CENPK: variants seen among roughly 807,000 people sequenced by gnomAD.
The protein encoded by CENPK is SoxLZ/Sox6-binding protein Solt.
Under a neutral mutation model 40.9 loss-of-function variants are expected in CENPK, and 46 were observed. The ratio of observed to expected loss-of-function variants is 1.13; its 90% CI spans 0.89 to 1.44. The LOEUF (loss-of-function observed/expected upper bound fraction) is 1.44, where lower values mean the gene tolerates loss of function less well. Among genes scored for constraint, CENPK ranks in the 40% most tolerant of loss-of-function variants. The pLI is 0.00. For missense variants in CENPK, 288 were observed against 303.5 expected, an observed-to-expected ratio of 0.95 and a Z score of 0.38; for synonymous variants, 107 against 104.4, an observed-to-expected ratio of 1.02 and a Z score of -0.15.
intron 9 of CENPK, among the ~76,000 whole-genome samples, chr5:65,525,352 C>T (rs940676281): frequency 6.6e-6 from 1 of 150,570 alleles, no homozygotes; most frequent in Admixed American, 6.6e-5. Flanking sequence ...GGTAACAGAA[C>T]AAGATTCCAT....
At position 65,549,150 on chromosome 5, in the gene CENPK, A is replaced by G. The variant is rs182618139; in HGVS notation, c.241+2414T>C. Reference sequence around the variant, plus strand: ...CATGAGAACATTAAATTCCTTGTACATCACCATCAGAGCTGTTGAGTGAAG... The same window carrying G: ...CATGAGAACATTAAATTCCTTGTACGTCACCATCAGAGCTGTTGAGTGAAG... On this transcript the variant is annotated intron_variant, in intron 5 of 10. Transcript: ENST00000396679. Among the ~76,000 whole-genome samples the G allele has an allele frequency of 3.3e-5, 5 of 152,276 alleles. No homozygotes were observed. In the East Asian group the frequency reaches 9.6e-4, roughly 29 times the overall value.
intron 6 of CENPK, 42 bp from the exon 7 acceptor site, chr5:65,529,241 CCA>C: frequency 1.5e-6 from 2 of 1,318,608 alleles, no homozygotes; most frequent in East Asian, 4.7e-5. Context: ...GTCTTTAATC[CCA>C]GTTTTATTTC....
intron 2 of CENPK, among the ~76,000 whole-genome samples, chr5:65,559,764 T>C (rs1306584961): frequency 6.6e-6 from 1 of 151,956 alleles, no homozygotes; most frequent in African/African-American, 2.4e-5. Flanking sequence ...AATAGGCAAA[T>C]TGAGCAATGG....
rs79361892 is a variant in CENPK, at chr5:65,549,819, T to G, written c.241+1745A>C. 6.0e-3 allele frequency among the ~76,000 whole-genome samples: 920 copies of G among 152,328 alleles called. 8 individuals carry two copies. The highest frequency in any genetic ancestry group is 0.02 in the African/African-American group (838 of 41,566). On this transcript the variant is annotated intron_variant, in intron 5 of 10. Coordinates refer to ENST00000396679, the MANE Select transcript of CENPK (RefSeq NM_022145.5). ...GGCTGGTTTGATCATCTAAGTAGAC[T>G]AGTAAAACTTTCTCTATAACAGCAA...
chr5:65,522,787 G>A (rs753112269), intron 9 of CENPK, among the ~76,000 whole-genome samples: 10 of 152,044 alleles, frequency 6.6e-5, no homozygotes, highest in Admixed American at 1.3e-4. Context: ...ATTATTCTCC[G>A]AATGTGCTCT....
chr5:65,549,049 A>C (rs913073244), intron 5 of CENPK, among the ~76,000 whole-genome samples: 8 of 152,170 alleles, frequency 5.3e-5, no homozygotes, highest in Non-Finnish European at 1.0e-4. Flanking sequence ...TACGAAGTGT[A>C]TTTCTTAAAT....
rs76334854 is a variant in CENPK at position 65,543,531 on chromosome 5, A to C, written c.242-683T>G. The stretch of plus-strand genomic sequence containing the variant: ...AGAATGGGGTCATATCACACATATT[A>C]TATTCATCTTACTTTCACTCAATAA... On this transcript the variant is annotated intron_variant, in intron 5 of 10. Coordinates refer to ENST00000396679, the MANE Select transcript of CENPK (RefSeq NM_022145.5). Among the ~76,000 whole-genome samples the C allele has an allele frequency of 2.3e-3, 357 of 152,290 alleles. 2 individuals are homozygous for C. Among genetic ancestry groups the C allele is most frequent in the African/African-American group, 8.3e-3 (343 of 41,558 alleles).
At chr5:65,522,548 C>G (rs1388251772) in intron 9 of CENPK, among the ~76,000 whole-genome samples, 1 of 152,108 alleles carries the variant, frequency 6.6e-6, no homozygotes. Flanking sequence ...CCCACCTCAG[C>G]CTCCCGAGTA....
intron 5 of CENPK, among the ~76,000 whole-genome samples, chr5:65,546,722 G>A (rs1749052396): frequency 6.6e-6 from 1 of 152,232 alleles, no homozygotes; most frequent in South Asian, 2.1e-4. Flanking sequence ...TTAGGACACA[G>A]AAGGAAGACC....
chr5:65,517,677 T>C (rs1256551286), downstream of CENPK: 1 of 152,166 alleles, frequency 6.6e-6, no homozygotes, highest in Non-Finnish European at 1.5e-5. Context: ...TTTAGCTTGT[T>C]ATGTAATACT....
At chr5:65,504,484 A>T in the CENPK span, among the ~76,000 whole-genome samples, 4 of 149,026 alleles carry the variant, frequency 2.7e-5, no homozygotes, top group African/African-American at 9.8e-5. Context: ...AAAACCCACG[A>T]GTATTTCTCT....
intron 9 of CENPK, 110 bp downstream of exon 9, chr5:65,528,342 A>G: frequency 1.1e-6 from 1 of 937,708 alleles, no homozygotes; most frequent in South Asian, 2.7e-5. Context: ...ATAATGGCAT[A>G]TTTCCATACA....
intron 5 of CENPK, among the ~76,000 whole-genome samples, chr5:65,548,311 T>TA (rs1213289039): frequency 3.3e-5 from 5 of 152,070 alleles, no homozygotes; most frequent in Non-Finnish European, 5.9e-5. Flanking sequence ...TACCTTATTT[T>TA]AAAAAAAACC....
the CENPK span, among the ~76,000 whole-genome samples, chr5:65,508,608 A>C: frequency 6.6e-6 from 1 of 151,990 alleles, no homozygotes; most frequent in Non-Finnish European, 1.5e-5. Flanking sequence ...AATATGGTGA[A>C]ACCCCATCTC....
chr5:65,534,737 A>G (rs1284858920), intron 6 of CENPK, among the ~76,000 whole-genome samples: 2 of 152,238 alleles, frequency 1.3e-5, no homozygotes, highest in African/African-American at 4.8e-5. Flanking sequence ...CATTAACTCA[A>G]AATGGATCAT....
chr5:65,521,686 C>T (rs1743783511), intron 9 of CENPK, among the ~76,000 whole-genome samples, 158 bp from the exon 10 acceptor site: 1 of 152,128 alleles, frequency 6.6e-6, no homozygotes, highest in Non-Finnish European at 1.5e-5. Context: ...CTGCAACCTC[C>T]GCCTCCCGGA....
the CENPK span, among the ~76,000 whole-genome samples, chr5:65,499,044 A>C: frequency 6.6e-6 from 1 of 151,496 alleles, no homozygotes; most frequent in East Asian, 1.9e-4. Flanking sequence ...TTTTAAATAG[A>C]GAATGAGGCC....
the CENPK span, among the ~76,000 whole-genome samples, chr5:65,503,463 T>G: frequency 6.6e-6 from 1 of 152,128 alleles, no homozygotes; most frequent in Non-Finnish European, 1.5e-5. Flanking sequence ...GAGCTCTTTA[T>G]GTATTTGAGA....
chr5:65,562,041 A>G (rs1752063214), intron 1 of CENPK, among the ~76,000 whole-genome samples: 1 of 152,220 alleles, frequency 6.6e-6, no homozygotes, highest in Admixed American at 6.5e-5. Context: ...ATGGTAAAGT[A>G]TACAACACTG....
Sources: gnomAD v4.1 joint callset for allele counts (sites outside exome capture counted in the v4.1 genomes callset) on GRCh38, gnomAD v4.1.1 for gene constraint, MANE v1.5 for transcripts, NCBI Gene and HGNC (gene_info 2026-07-23, HGNC 2026-07-21) for gene names.